The following MGAT4C variants were observed in gnomAD, a reference collection of about 807,000 sequenced individuals.
MGAT4C encodes alpha-1,3-mannosyl-glycoprotein 4-beta-N-acetylglucosaminyltransferase C.
In MGAT4C, 19 loss-of-function variants were observed where a neutral mutation model predicts 40.1. The observed-to-expected ratio is 0.47, with a 90% CI of 0.33 to 0.70. MGAT4C has a LOEUF of 0.70. Ranked by LOEUF, MGAT4C falls within the 30% of genes least tolerant of loss-of-function variation. The pLI is 0.02. For missense variants in MGAT4C, 491 were observed against 563.2 expected, an observed-to-expected ratio of 0.87 and a Z score of 1.30; for synonymous variants, 181 against 187.1, an observed-to-expected ratio of 0.97 and a Z score of 0.27.
chr12:86,084,073 G>A (rs1871311798), intron 1 of MGAT4C, among the ~76,000 whole-genome samples: 1 of 152,024 alleles, frequency 6.6e-6, no homozygotes, highest in South Asian at 2.1e-4. Flanking sequence ...AACTATTTCT[G>A]AGCATCAACT....
Position 85,976,953 on chromosome 12 carries a change from T to C in MGAT4C, c.*2336A>G, listed in dbSNP as rs1160896424. The C allele has an allele frequency of 6.6e-6, 1 of 151,142 alleles. No individual in the cohort carries two copies. Among genetic ancestry groups the C allele is most frequent in the Non-Finnish European group, 1.5e-5 (1 of 67,312 alleles). 9.4% of individuals were successfully genotyped at this position (151,142 alleles called of 1,614,324 possible). On this transcript the variant is annotated 3_prime_UTR_variant, in exon 5 of 5. Transcript: ENST00000611864. Reference sequence around the variant, plus strand: ...GCTTTATTTGTCAAGGTGTTTTCCTTAGAAAATTGACCCAGTGTCAACTGT... The same window carrying C: ...GCTTTATTTGTCAAGGTGTTTTCCTCAGAAAATTGACCCAGTGTCAACTGT...
intron 1 of MGAT4C, among the ~76,000 whole-genome samples, chr12:86,785,305 T>C (rs1951913131): frequency 6.6e-6 from 1 of 152,042 alleles, no homozygotes; most frequent in Admixed American, 6.6e-5. Context: ...TATTTTTGTG[T>C]ATTTTTTTCT....
At chr12:86,376,614 C>T (rs1194782667) in intron 3 of MGAT4C, among the ~76,000 whole-genome samples, 1 of 151,542 alleles carries the variant, frequency 6.6e-6, no homozygotes, top group Non-Finnish European at 1.5e-5. Context: ...CATGACAAGA[C>T]AAAAATAGGA....
chr12:86,061,933 G>A (rs1455791027), intron 1 of MGAT4C, among the ~76,000 whole-genome samples: 4 of 152,150 alleles, frequency 2.6e-5, no homozygotes, highest in Admixed American at 6.6e-5. Context: ...GGGAAGGGGT[G>A]GCTGTGGGCA....
At chr12:86,367,321 C>T (rs1955618269) in intron 3 of MGAT4C, among the ~76,000 whole-genome samples, 1 of 152,132 alleles carries the variant, frequency 6.6e-6, no homozygotes, top group Admixed American at 6.6e-5. Flanking sequence ...CTCAATAGCA[C>T]ATTCCTTACC....
At chr12:86,728,501 G>A (rs780362368) in intron 1 of MGAT4C, among the ~76,000 whole-genome samples, 5 of 152,184 alleles carry the variant, frequency 3.3e-5, no homozygotes, top group East Asian at 3.9e-4. Context: ...GACCAGCCTG[G>A]CCAAGATGGT....
At chr12:86,223,879 G>T (rs1950975809) in intron 1 of MGAT4C, among the ~76,000 whole-genome samples, 1 of 152,136 alleles carries the variant, frequency 6.6e-6, no homozygotes, top group South Asian at 2.1e-4. Context: ...CCACCCTGTT[G>T]CAGTCACTAC....
intron 2 of MGAT4C, among the ~76,000 whole-genome samples, chr12:86,704,433 A>G (rs564522271): frequency 3.3e-5 from 5 of 152,280 alleles, no homozygotes; most frequent in African/African-American, 1.2e-4. Context: ...ATACATGTTT[A>G]CTATAATTAA....
intron 2 of MGAT4C, among the ~76,000 whole-genome samples, chr12:86,706,493 A>G (rs1456337651): frequency 6.6e-6 from 1 of 152,148 alleles, no homozygotes; most frequent in Admixed American, 6.6e-5. Flanking sequence ...CCAGGGCTCA[A>G]GAAATCCTCC....
At chr12:86,509,602 T>G (rs1183569766) in intron 2 of MGAT4C, among the ~76,000 whole-genome samples, 1 of 152,092 alleles carries the variant, frequency 6.6e-6, no homozygotes, top group Non-Finnish European at 1.5e-5. Context: ...GTGAAGAAAG[T>G]CATTGGTAGC....
chr12:86,518,419 A>G (rs1157690580), intron 2 of MGAT4C, among the ~76,000 whole-genome samples: 1 of 152,242 alleles, frequency 6.6e-6, no homozygotes, highest in African/African-American at 2.4e-5. Flanking sequence ...TATATAAATC[A>G]TCACTAATCA....
At chr12:86,797,347 G>GTT (rs942995283) in intron 1 of MGAT4C, among the ~76,000 whole-genome samples, 1 of 146,152 alleles carries the variant, frequency 6.8e-6, no homozygotes, top group Non-Finnish European at 1.5e-5. Flanking sequence ...TTTCTTTCAA[G>GTT]TTTTTTTTTT....
chr12:86,357,823 A>T (rs376822284), intron 3 of MGAT4C, among the ~76,000 whole-genome samples: 1 of 152,216 alleles, frequency 6.6e-6, no homozygotes, highest in Non-Finnish European at 1.5e-5. Context: ...GAAACATGGG[A>T]CTATGTGAAA....
chr12:86,817,869 A>G (rs1952634568), intron 1 of MGAT4C, among the ~76,000 whole-genome samples: 1 of 151,474 alleles, frequency 6.6e-6, no homozygotes, highest in Admixed American at 6.6e-5. Context: ...ACACTAGGAT[A>G]GAGTGTGGGC....
At chr12:86,408,316 G>A (rs1956515956) in intron 3 of MGAT4C, among the ~76,000 whole-genome samples, 1 of 151,686 alleles carries the variant, frequency 6.6e-6, no homozygotes, top group Non-Finnish European at 1.5e-5. Flanking sequence ...TATTTTCTGA[G>A]ATGAATTGAG....
At chr12:86,070,904 G>T (rs1199427241) in intron 1 of MGAT4C, among the ~76,000 whole-genome samples, 1 of 151,976 alleles carries the variant, frequency 6.6e-6, no homozygotes, top group African/African-American at 2.4e-5. Context: ...TTCCTAATTT[G>T]CCTATGGAAG....
chr12:86,271,800 TG>T (rs1223089533), intron 4 of MGAT4C, among the ~76,000 whole-genome samples: 6 of 152,234 alleles, frequency 3.9e-5, no homozygotes, highest in Admixed American at 1.3e-4. Flanking sequence ...ATATACAGCA[TG>T]GACTATTATT....
At chr12:86,218,001 A>T (rs61949011) in intron 1 of MGAT4C, among the ~76,000 whole-genome samples, 10,246 of 152,176 alleles carry the variant, frequency 0.067, 492 homozygotes, top group Middle Eastern at 0.22. Flanking sequence ...TATTAATATC[A>T]AAATTATACA....
rs185495203 is a variant in MGAT4C, at chr12:86,042,682, G to A, written c.-7+6992C>T. ...AGATTGAGACCATCCTGGCTAACAC[G>A]GTGAAACCCCATCTCTACTAAAAAA... On this transcript the variant is annotated intron_variant, in intron 2 of 4. Transcript: ENST00000611864. 4.0e-4 allele frequency among the ~76,000 whole-genome samples: 60 copies of A among 151,616 alleles called. 1 individual carries two copies. The highest frequency in any genetic ancestry group is 3.9e-4 in the African/African-American group (16 of 41,310).
Sources: gnomAD v4.1 joint callset for allele counts (sites outside exome capture counted in the v4.1 genomes callset) on GRCh38, gnomAD v4.1.1 for gene constraint, MANE v1.5 for transcripts, NCBI Gene and HGNC (gene_info 2026-07-23, HGNC 2026-07-21) for gene names.